The following TIAM1 variants were observed in gnomAD, a reference collection of about 807,000 sequenced individuals.
TIAM1 encodes TIAM Rac1 associated GEF 1.
Under a neutral mutation model 163.5 loss-of-function variants are expected in TIAM1, and 65 were observed. The ratio of observed to expected loss-of-function variants is 0.40; its 90% CI spans 0.33 to 0.49. The LOEUF is 0.49. Among genes scored for constraint, TIAM1 ranks in the 20% least tolerant of loss-of-function variants. The pLI is 0.77. For missense variants in TIAM1, 1,789 were observed against 2,044.7 expected (o/e 0.87, Z 2.41); for synonymous variants, 833 against 810.1 (o/e 1.03, Z -0.48).
chr21:31,382,082 G>T (rs2076788064), intron 2 of TIAM1, among the ~76,000 whole-genome samples: 1 of 152,192 alleles, frequency 6.6e-6, no homozygotes, highest in Non-Finnish European at 1.5e-5. Context: ...AGAGACTTGT[G>T]CAGAAGACAT....
In TIAM1 at chr21:31,213,691, GA is replaced by G. The variant is rs551771993; in HGVS notation, c.2143-220del. Among the ~76,000 whole-genome samples, 407 of 148,384 alleles carry G rather than the reference GA, an allele frequency of 2.7e-3. 1 individual carries two copies. Among genetic ancestry groups the G allele is most frequent in the Non-Finnish European group, 4.5e-3 (304 of 66,904 alleles). On this transcript the variant is annotated intron_variant, in intron 9 of 27. Coordinates refer to ENST00000541036, the MANE Select transcript of TIAM1 (RefSeq NM_001353694.2). The stretch of plus-strand genomic sequence containing the variant: ...CACTTCCCTACGTGTTTGACAGTTG[GA>G]AAAAAAAAAGTTTGCTCTCAAATAT...
upstream of TIAM1, among the ~76,000 whole-genome samples, chr21:31,346,308 T>C (rs1050230204): frequency 6.6e-6 from 1 of 152,140 alleles, no homozygotes; most frequent in Non-Finnish European, 1.5e-5. Context: ...TCCAGGGACT[T>C]AGAAAAACAT....
intron 2 of TIAM1, among the ~76,000 whole-genome samples, chr21:31,439,113 G>A (rs2044326244): frequency 6.6e-6 from 1 of 152,266 alleles, no homozygotes; most frequent in Admixed American, 6.5e-5. Flanking sequence ...TCTGCCACAG[G>A]TTGGGGAAGG....
intron 1 of TIAM1, among the ~76,000 whole-genome samples, chr21:31,504,488 A>T (rs1201345307): frequency 6.6e-6 from 1 of 152,218 alleles, no homozygotes; most frequent in African/African-American, 2.4e-5. Flanking sequence ...CAAGAATGCC[A>T]CTGTAAGAAG....
chr21:31,367,964 C>A (rs2076528819), intron 2 of TIAM1, among the ~76,000 whole-genome samples: 1 of 152,190 alleles, frequency 6.6e-6, no homozygotes, highest in South Asian at 2.1e-4. Flanking sequence ...TGCTCAGTTT[C>A]AATGGATCAA....
intron 8 of TIAM1, among the ~76,000 whole-genome samples, chr21:31,218,793 G>C (rs548715907): frequency 6.6e-6 from 1 of 152,148 alleles, no homozygotes; most frequent in East Asian, 1.9e-4. Context: ...CTGATAAAAG[G>C]AAGGTCTGTG....
At chr21:31,436,614 C>G (rs2044218310) in intron 2 of TIAM1, among the ~76,000 whole-genome samples, 1 of 151,904 alleles carries the variant, frequency 6.6e-6, no homozygotes, top group East Asian at 1.9e-4. Context: ...CCCTGGGTGA[C>G]AGAGCGAGAC....
At chr21:31,268,838 G>A (rs932425220) in intron 3 of TIAM1, among the ~76,000 whole-genome samples, 24 of 151,966 alleles carry the variant, frequency 1.6e-4, no homozygotes, top group Non-Finnish European at 3.1e-4. Flanking sequence ...TAACACTAAA[G>A]GCTTTGACCA....
chr21:31,186,805 A>C (rs1044933609), intron 14 of TIAM1, among the ~76,000 whole-genome samples, 196 bp downstream of exon 14: 2 of 152,202 alleles, frequency 1.3e-5, no homozygotes, highest in African/African-American at 2.4e-5. Context: ...AGAAAAAAAA[A>C]GTTCAAGAAT....
intron 2 of TIAM1, among the ~76,000 whole-genome samples, chr21:31,365,537 C>T (rs945520220): frequency 2.6e-5 from 4 of 151,584 alleles, no homozygotes; most frequent in African/African-American, 9.7e-5. Flanking sequence ...TACAGGCACC[C>T]GCCACCACGC....
At chr21:31,384,434 G>A (rs2076831939) in intron 2 of TIAM1, among the ~76,000 whole-genome samples, 1 of 151,206 alleles carries the variant, frequency 6.6e-6, no homozygotes, top group African/African-American at 2.4e-5. Flanking sequence ...TAATTAGCTG[G>A]CATGGTGGCA....
intron 2 of TIAM1, among the ~76,000 whole-genome samples, chr21:31,281,231 A>G (rs1255982228): frequency 6.6e-6 from 1 of 152,168 alleles, no homozygotes; most frequent in Admixed American, 6.6e-5. Context: ...ACCCAGGTTC[A>G]ATTCAGGTGC....
At chr21:31,456,575 G>A (rs1322842156) in intron 2 of TIAM1, among the ~76,000 whole-genome samples, 1 of 152,156 alleles carries the variant, frequency 6.6e-6, no homozygotes, top group Non-Finnish European at 1.5e-5. Context: ...CTGCAAAGAG[G>A]TTTGTGATGT....
At chr21:31,407,917 C>T (rs1392423296) in intron 2 of TIAM1, among the ~76,000 whole-genome samples, 3 of 152,072 alleles carry the variant, frequency 2.0e-5, no homozygotes, top group East Asian at 1.9e-4. Context: ...GGATAACAGG[C>T]GTCAGCCACC....
intron 1 of TIAM1, among the ~76,000 whole-genome samples, chr21:31,478,431 C>T (rs908531352): frequency 6.6e-6 from 1 of 152,172 alleles, no homozygotes; most frequent in African/African-American, 2.4e-5. Flanking sequence ...CATTGTCACT[C>T]CCCAGAGGTA....
chr21:31,445,236 T>C (rs74581001), intron 2 of TIAM1, among the ~76,000 whole-genome samples: 9,950 of 152,122 alleles, frequency 0.065, 1,324 homozygotes, highest in East Asian at 0.56. Flanking sequence ...AGGCCTCAGG[T>C]TTTGTTTTTA....
intron 5 of TIAM1, among the ~76,000 whole-genome samples, chr21:31,251,442 C>T (rs2071797930): frequency 6.6e-6 from 1 of 152,154 alleles, no homozygotes; most frequent in Non-Finnish European, 1.5e-5. Context: ...GAACCTCCTG[C>T]CTCCCAAAGT....
intron 2 of TIAM1, among the ~76,000 whole-genome samples, chr21:31,337,518 G>GTTATTATTATTATTA (rs55760697): frequency 0.057 from 8,344 of 147,186 alleles, 276 homozygotes; most frequent in South Asian, 0.12. Flanking sequence ...TATTATTGTT[G>GTTATTATTATTATTA]TTATTATTAT....
chr21:31,175,303 GC>G (rs1280284225), intron 15 of TIAM1, among the ~76,000 whole-genome samples: 2 of 152,122 alleles, frequency 1.3e-5, no homozygotes, highest in African/African-American at 4.8e-5. Flanking sequence ...CAAGGCACCT[GC>G]TTCGCCCCAA....
Sources: allele counts gnomAD v4.1 joint callset (sites outside exome capture counted in the v4.1 genomes callset), GRCh38; gene constraint gnomAD v4.1.1; transcripts MANE v1.5; gene names NCBI Gene and HGNC (gene_info 2026-07-23, HGNC 2026-07-21).